Variants in ELF1 observed in about 807,000 individuals in gnomAD.
ELF1 encodes ETS-related transcription factor Elf-1.
In ELF1, 24 loss-of-function variants were observed where a neutral mutation model predicts 59.9. That is an observed-to-expected ratio of 0.40 (90% CI 0.29 to 0.56). ELF1 has a LOEUF of 0.56. Ranked by LOEUF, ELF1 falls within the 20% of genes least tolerant of loss-of-function variation. ELF1 has a pLI of 0.44. For missense variants in ELF1, 627 were observed against 742.2 expected (o/e 0.84, Z 1.80); for synonymous variants, 248 against 266.2 (o/e 0.93, Z 0.67).
intron 3 of ELF1, among the ~76,000 whole-genome samples, chr13:40,954,202 C>CA (rs1231275001): frequency 1.3e-5 from 2 of 151,932 alleles, no homozygotes; most frequent in African/African-American, 2.4e-5. Context: ...TTGCTCTGAA[C>CA]AAAAAATGTG....
chr13:41,018,888 T>C (rs1875570594), intron 1 of ELF1, among the ~76,000 whole-genome samples: 1 of 152,134 alleles, frequency 6.6e-6, no homozygotes, highest in Non-Finnish European at 1.5e-5. Context: ...CCCCAAAAAA[T>C]ACAATTAGGT....
intron 1 of ELF1, among the ~76,000 whole-genome samples, chr13:41,014,153 G>A (rs1875229919): frequency 6.6e-6 from 1 of 152,108 alleles, no homozygotes; most frequent in Non-Finnish European, 1.5e-5. Context: ...TTCTCTAAGT[G>A]GTTACCTTTG....
chr13:40,940,403 A>C (rs1187208980), intron 8 of ELF1, among the ~76,000 whole-genome samples: 7 of 148,092 alleles, frequency 4.7e-5, no homozygotes, highest in East Asian at 1.9e-4. Flanking sequence ...AAAAAAAAAA[A>C]AAAAAAAAAA....
intron 3 of ELF1, among the ~76,000 whole-genome samples, chr13:40,956,282 T>C (rs1327799985): frequency 6.6e-6 from 1 of 151,978 alleles, no homozygotes; most frequent in Non-Finnish European, 1.5e-5. Flanking sequence ...CCCCCAACCC[T>C]GTGCTCTCTG....
At chr13:41,030,661 A>C (rs1876122501) in intron 1 of ELF1, among the ~76,000 whole-genome samples, 1 of 149,446 alleles carries the variant, frequency 6.7e-6, no homozygotes, top group South Asian at 2.1e-4. Context: ...TGAGGTGGGA[A>C]GACTGCTTGA....
At chr13:40,953,000 A>C (rs1377808403) in intron 3 of ELF1, among the ~76,000 whole-genome samples, 4 of 149,816 alleles carry the variant, frequency 2.7e-5, no homozygotes, top group Non-Finnish European at 5.9e-5. Flanking sequence ...TTTTGAGACA[A>C]AGTTTCAATC....
chr13:41,059,118 C>A (rs955488608), intron 1 of ELF1, among the ~76,000 whole-genome samples: 3 of 152,218 alleles, frequency 2.0e-5, no homozygotes, highest in Non-Finnish European at 4.4e-5. Flanking sequence ...CACACTATTA[C>A]TTATTTAAAT....
At chr13:41,035,582 C>T (rs1876340388) in intron 1 of ELF1, among the ~76,000 whole-genome samples, 1 of 152,062 alleles carries the variant, frequency 6.6e-6, no homozygotes, top group Non-Finnish European at 1.5e-5. Context: ...ATCAAGTCTA[C>T]AGCAGTAAAG....
intron 3 of ELF1, among the ~76,000 whole-genome samples, chr13:40,955,855 G>C (rs1753656348): frequency 9.0e-6 from 1 of 110,888 alleles, no homozygotes; most frequent in African/African-American, 4.0e-5. Context: ...ACTGGGAAGA[G>C]AGGAGCCCCT....
intron 1 of ELF1, among the ~76,000 whole-genome samples, chr13:41,030,973 C>T (rs1876136164): frequency 6.7e-6 from 1 of 149,950 alleles, no homozygotes; most frequent in South Asian, 2.1e-4. Context: ...GTAGCCTGGG[C>T]AACATGATGA....
chr13:41,006,073 A>G (rs1008095619), intron 1 of ELF1, among the ~76,000 whole-genome samples: 31 of 152,168 alleles, frequency 2.0e-4, no homozygotes, highest in Admixed American at 1.5e-3. Flanking sequence ...TCTCTTTCCT[A>G]AAGAGAACTT....
intron 1 of ELF1, among the ~76,000 whole-genome samples, chr13:41,009,708 GTAAA>G (rs1466391429): frequency 1.3e-5 from 2 of 152,034 alleles, no homozygotes; most frequent in Admixed American, 1.3e-4. Flanking sequence ...GGAGACACAA[GTAAA>G]TAAATGGTAA....
At chr13:41,044,105 A>G (rs1028705750) in intron 1 of ELF1, among the ~76,000 whole-genome samples, 14 of 152,174 alleles carry the variant, frequency 9.2e-5, no homozygotes, top group South Asian at 8.3e-4. Context: ...TTTGTCTGTT[A>G]TTGGTGTATA....
At position 40,955,301 on chromosome 13, in the gene ELF1, G is replaced by T. The variant is rs1445137797; in HGVS notation, c.253+3535C>A. On this transcript the variant is annotated intron_variant, in intron 3 of 8. Transcript: ENST00000239882. The stretch of plus-strand genomic sequence containing the variant: ...TGGGGGTCAGCCCCCCGCCCGGCCA[G>T]CCGCCCCGTCCGGAAGGGAGGTGGG... Among the ~76,000 whole-genome samples the T allele has an allele frequency of 2.3e-4, 34 of 146,486 alleles. 1 individual carries two copies. In the South Asian group the frequency reaches 7.4e-3, roughly 32 times the overall value.
chr13:41,013,338 A>C (rs1250119965), intron 1 of ELF1, among the ~76,000 whole-genome samples: 1 of 152,192 alleles, frequency 6.6e-6, no homozygotes, highest in African/African-American at 2.4e-5. Context: ...TCCCAAGCTC[A>C]AAATAATCTA....
intron 1 of ELF1, among the ~76,000 whole-genome samples, chr13:40,997,229 T>C (rs572239068): frequency 3.9e-5 from 6 of 152,314 alleles, no homozygotes; most frequent in African/African-American, 1.4e-4. Context: ...TTTCACAGTC[T>C]ACCTCTTTTC....
intron 1 of ELF1, among the ~76,000 whole-genome samples, chr13:41,045,980 C>G (rs1056845677): frequency 1.3e-5 from 2 of 152,158 alleles, no homozygotes; most frequent in Non-Finnish European, 2.9e-5. Flanking sequence ...GTATTGGGTG[C>G]ATATATATTT....
chr13:40,954,435 A>G (rs79980100), intron 3 of ELF1, among the ~76,000 whole-genome samples: 1 of 42,274 alleles, frequency 2.4e-5, no homozygotes, highest in African/African-American at 4.2e-5. Flanking sequence ...CCCTCTCCCC[A>G]CGGTCTCCCT....
At chr13:41,047,167 G>A (rs1876882914) in intron 1 of ELF1, among the ~76,000 whole-genome samples, 1 of 152,102 alleles carries the variant, frequency 6.6e-6, no homozygotes, top group African/African-American at 2.4e-5. Context: ...GTTATTCTAG[G>A]TAGCCATTTG....
Sources: allele counts gnomAD v4.1 joint callset (sites outside exome capture counted in the v4.1 genomes callset), GRCh38; gene constraint gnomAD v4.1.1; transcripts MANE v1.5; gene names NCBI Gene and HGNC (gene_info 2026-07-23, HGNC 2026-07-21).